LRFN5: variants seen among roughly 807,000 people sequenced by gnomAD.
LRFN5 encodes the protein leucine-rich repeat and fibronectin type-III domain-containing protein 5.
LRFN5 carries 24 observed loss-of-function variants against 45.6 expected under a neutral mutation model. The observed-to-expected ratio is 0.53, with a 90% confidence interval of 0.38 to 0.74. The LOEUF is 0.74. Ranked by LOEUF, LRFN5 falls within the 30% of genes least tolerant of loss-of-function variation. The pLI is 0.00. For missense variants in LRFN5, 776 were observed against 861.5 expected (o/e 0.90, Z 1.24); for synonymous variants, 340 against 313.8 (o/e 1.08, Z -0.88).
At chr14:41,742,082 A>G (rs887000835) in intron 1 of LRFN5, among the ~76,000 whole-genome samples, 9 of 151,812 alleles carry the variant, frequency 5.9e-5, no homozygotes, top group African/African-American at 2.2e-4. Flanking sequence ...GTAAATTAAT[A>G]CAATCATTTT....
Position 41,891,455 on chromosome 14 carries a change from A to G in LRFN5, c.1591A>G (p.Ile531Val). Residue 531 changes from isoleucine (I) to valine (V), a missense_variant, in exon 4 of 6, where the codon ATT becomes GTT. Coordinates refer to ENST00000298119, the MANE Select transcript of LRFN5 (RefSeq NM_152447.5). Reference sequence around the variant, plus strand: ...TCAGTTTTTGGGAGGCACCATGATTATTATTATTGGTGGAATCATTGTAGC... The same window carrying G: ...TCAGTTTTTGGGAGGCACCATGATTGTTATTATTGGTGGAATCATTGTAGC... ...QSQFLGGTMI[I>V]IIGGIIVASV... 1.9e-6 allele frequency: 3 copies of G among 1,614,094 alleles called. No individual in the cohort carries two copies. Among genetic ancestry groups the G allele is most frequent in the Non-Finnish European group, 8.5e-7 (1 of 1,179,992 alleles).
intron 2 of LRFN5, among the ~76,000 whole-genome samples, chr14:41,789,951 C>T (rs11627772): frequency 0.55 from 82,710 of 151,526 alleles, 23,246 homozygotes; most frequent in East Asian, 0.91. Context: ...GTTATGCTGC[C>T]TCATAAAATG....
At chr14:41,618,749 C>A (rs1888007921) in intron 1 of LRFN5, among the ~76,000 whole-genome samples, 1 of 152,096 alleles carries the variant, frequency 6.6e-6, no homozygotes, top group Non-Finnish European at 1.5e-5. Flanking sequence ...AGCCACCATA[C>A]CTCTCTAGAA....
intron 1 of LRFN5, chr14:41,731,736 C>A (rs1884187602): frequency 6.6e-6 from 1 of 152,054 alleles, no homozygotes; most frequent in South Asian, 2.1e-4. Flanking sequence ...ATCATGTAAT[C>A]CATTGTTGAT....
In LRFN5 at chr14:41,717,456, A is replaced by G. The variant is rs149695143; in HGVS notation, c.-196-49398A>G. 7.6e-3 allele frequency among the ~76,000 whole-genome samples: 1,154 copies of G among 152,324 alleles called. 25 individuals are homozygous for G. Among genetic ancestry groups the G allele is most frequent in the African/African-American group, 0.026 (1,080 of 41,568 alleles). ...AACACGTAGTTTTAAATTGCCACCT[A>G]CATGGTGAAGCACCAGCCTTAGAGT... is the stretch of plus-strand genomic sequence containing the variant. On this transcript the variant is annotated intron_variant, in intron 1 of 5. Coordinates refer to ENST00000298119, the MANE Select transcript of LRFN5 (RefSeq NM_152447.5).
Position 41,887,619 on chromosome 14 carries a change from A to C in LRFN5, c.994A>C (p.Thr332Pro). The C allele has an allele frequency of 6.2e-7, 1 of 1,614,234 alleles. No individual in the cohort carries two copies. The highest frequency in any genetic ancestry group is 8.5e-7 in the Non-Finnish European group (1 of 1,180,046). ...SPEGKLISNA[T>P]RSLVYDNGTL... Reference sequence around the variant, plus strand: ...TGAAGGGAAGCTTATTTCAAATGCAACAAGATCTCTGGTGTATGATAACGG... The same window carrying C: ...TGAAGGGAAGCTTATTTCAAATGCACCAAGATCTCTGGTGTATGATAACGG... The change falls in exon 3 of 6, where the codon ACA (threonine) becomes CCA (proline). Residue 332 changes from threonine to proline, a missense_variant. By Grantham distance (38) the Thr-to-Pro change is conservative. This residue lies in a region of LRFN5 where 311 missense variants were observed against 405.1 expected (regional missense o/e 0.77). Coordinates refer to ENST00000298119, the MANE Select transcript of LRFN5 (RefSeq NM_152447.5). The surrounding 1 kb of genome is among the most constrained non-coding windows in gnomAD (Gnocchi z 4.8).
At chr14:41,808,298 A>G (rs1382828255) in intron 2 of LRFN5, among the ~76,000 whole-genome samples, 3 of 133,922 alleles carry the variant, frequency 2.2e-5, no homozygotes, top group South Asian at 2.9e-4. Flanking sequence ...AGTATACCCA[A>G]TTGTGGCCAG....
chr14:41,664,949 T>G (rs892763178), intron 1 of LRFN5, among the ~76,000 whole-genome samples: 2 of 152,052 alleles, frequency 1.3e-5, no homozygotes, highest in African/African-American at 2.4e-5. Context: ...TACCAATGAT[T>G]GTATTTCAGC....
rs1370838059 is a variant in LRFN5 at position 41,879,967 on chromosome 14, GGCTGGAGT to G, written c.-20-6636_-20-6629del. Among the ~76,000 whole-genome samples the G allele has an allele frequency of 2.9e-4, 38 of 130,950 alleles. 2 individuals are homozygous for G. The highest frequency in any genetic ancestry group is 7.7e-5 in the Non-Finnish European group (5 of 64,706). The allele number at this position is 130,950 out of a possible 152,430, so 85.9% of individuals were successfully genotyped here. ...TAACAGAGTCTCACTCTGTTGCCCA[GGCTGGAGT>G]GCAGTGGCAAGATCTAATGTCGGCT... On this transcript the variant is annotated intron_variant, in intron 2 of 5. Transcript: ENST00000298119.
At chr14:41,798,388 G>T (rs990193110) in intron 2 of LRFN5, among the ~76,000 whole-genome samples, 1 of 151,864 alleles carries the variant, frequency 6.6e-6, no homozygotes, top group Admixed American at 6.6e-5. Context: ...TTCCTCTCTA[G>T]AAAATTTAAG....
intron 1 of LRFN5, among the ~76,000 whole-genome samples, chr14:41,765,450 C>G (rs1168382352): frequency 6.6e-6 from 1 of 150,920 alleles, no homozygotes; most frequent in Non-Finnish European, 1.5e-5. Context: ...CACACACAAA[C>G]TATTTCTGAA....
At chr14:41,699,564 G>A (rs974403587) in intron 1 of LRFN5, 1 of 152,050 alleles carries the variant, frequency 6.6e-6, no homozygotes, top group East Asian at 1.9e-4. Flanking sequence ...TAGAACTTAC[G>A]AGCTTAGGAA....
At chr14:41,654,071 A>T (rs1046602105) in intron 1 of LRFN5, among the ~76,000 whole-genome samples, 1 of 152,000 alleles carries the variant, frequency 6.6e-6, no homozygotes, top group Non-Finnish European at 1.5e-5. Context: ...AGGGGGAGGG[A>T]TAGCATTAGG....
chr14:41,805,678 A>G (rs952816731), intron 2 of LRFN5, among the ~76,000 whole-genome samples: 11 of 151,894 alleles, frequency 7.2e-5, no homozygotes, highest in Admixed American at 1.3e-4. Flanking sequence ...TTGTAGGGAC[A>G]TGGATGAAAT....
chr14:41,826,026 C>T (rs1353791221), intron 2 of LRFN5, among the ~76,000 whole-genome samples: 2 of 152,192 alleles, frequency 1.3e-5, no homozygotes, highest in Non-Finnish European at 2.9e-5. Context: ...CAGCATTCTA[C>T]TTTCAACATT....
chr14:41,626,606 G>T (rs1408615203), intron 1 of LRFN5, among the ~76,000 whole-genome samples: 1 of 152,024 alleles, frequency 6.6e-6, no homozygotes, highest in Non-Finnish European at 1.5e-5. Context: ...TATGTTCATA[G>T]TGTTATGTTT....
At chr14:41,819,974 T>C (rs1333298648) in intron 2 of LRFN5, among the ~76,000 whole-genome samples, 1 of 151,518 alleles carries the variant, frequency 6.6e-6, no homozygotes, top group Non-Finnish European at 1.5e-5. Context: ...TTTTTTTATT[T>C]TTCATGCTGA....
chr14:41,655,163 G>A (rs778679274), intron 1 of LRFN5, among the ~76,000 whole-genome samples: 1 of 151,928 alleles, frequency 6.6e-6, no homozygotes, highest in African/African-American at 2.4e-5. Flanking sequence ...AGCTTCCATT[G>A]GTGTAGGGGA....
At chr14:41,896,272 G>A (rs1566511921) in intron 4 of LRFN5, among the ~76,000 whole-genome samples, 1 of 152,162 alleles carries the variant, frequency 6.6e-6, no homozygotes, top group Non-Finnish European at 1.5e-5. Context: ...GCAAGTCATT[G>A]TCTTCTCAGC....
Sources: allele counts gnomAD v4.1 joint callset (sites outside exome capture counted in the v4.1 genomes callset), GRCh38; gene constraint gnomAD v4.1.1; regional missense constraint gnomAD v4.1.1; non-coding constraint Gnocchi (gnomAD v3.1); transcripts MANE v1.5; gene names NCBI Gene and HGNC (gene_info 2026-07-23, HGNC 2026-07-21).